ADAMTSL3: variants seen among roughly 807,000 people sequenced by gnomAD.
The protein encoded by ADAMTSL3 is ADAMTS like 3, also known as ADAMTS-like protein 3.
A neutral mutation model predicts 201.7 loss-of-function variants in ADAMTSL3; 128 were observed. The ratio of observed to expected loss-of-function variants is 0.63; its 90% CI spans 0.55 to 0.73. The LOEUF (loss-of-function observed/expected upper bound fraction) is 0.73. ADAMTSL3 is among the 30% of genes least tolerant of loss of function. ADAMTSL3 has a pLI of 0.00. For missense variants in ADAMTSL3, 1,990 were observed against 2,119.6 expected (o/e 0.94, Z 1.20); for synonymous variants, 738 against 748.4 (o/e 0.99, Z 0.23).
At chr15:84,006,097 A>C (rs1285564175) in intron 23 of ADAMTSL3, among the ~76,000 whole-genome samples, 1 of 152,232 alleles carries the variant, frequency 6.6e-6, no homozygotes, top group East Asian at 1.9e-4. Context: ...TTGGCCCTGC[A>C]GTTAAGAAGA....
intron 2 of ADAMTSL3, among the ~76,000 whole-genome samples, chr15:83,700,199 G>A (rs2061752034): frequency 6.6e-6 from 1 of 152,204 alleles, no homozygotes; most frequent in Non-Finnish European, 1.5e-5. Flanking sequence ...ATCTTTGACT[G>A]CTTCCACTCT....
chr15:83,753,940 T>C (rs968223397), intron 3 of ADAMTSL3, among the ~76,000 whole-genome samples: 1 of 152,312 alleles, frequency 6.6e-6, no homozygotes, highest in African/African-American at 2.4e-5. Context: ...TTTAATAACA[T>C]GTGGTTGTCA....
rs80145798 is a variant in ADAMTSL3, at chr15:83,682,428, C to A, written c.70-21961C>A. ...ACTACCTTAGATGCATTTACCTTTGCTCTTTCTCTGTCGTATGTCACTCTT... is the reference window on the plus strand; with the variant it reads ...ACTACCTTAGATGCATTTACCTTTGATCTTTCTCTGTCGTATGTCACTCTT... On this transcript the variant is annotated intron_variant, in intron 2 of 29. Coordinates refer to ENST00000286744, the MANE Select transcript of ADAMTSL3 (RefSeq NM_207517.3). Among the ~76,000 whole-genome samples, 778 of 152,310 alleles carry A rather than the reference C, an allele frequency of 5.1e-3. 5 individuals are homozygous for A. Among genetic ancestry groups the A allele is most frequent in the African/African-American group, 0.017 (723 of 41,572 alleles).
chr15:83,782,941 A>G (rs1238403501), intron 4 of ADAMTSL3, among the ~76,000 whole-genome samples: 1 of 147,756 alleles, frequency 6.8e-6, no homozygotes, highest in African/African-American at 2.5e-5. Flanking sequence ...ATATGTATAT[A>G]TACACACATA....
intron 2 of ADAMTSL3, among the ~76,000 whole-genome samples, chr15:83,674,052 G>GT (rs35560182): frequency 0.13 from 17,464 of 136,564 alleles, 3,415 homozygotes; most frequent in African/African-American, 0.42. Context: ...TTATTTTTAT[G>GT]TTTTTTTTTT....
chr15:83,897,094 T>G (rs1035827397), intron 13 of ADAMTSL3, among the ~76,000 whole-genome samples: 5 of 152,020 alleles, frequency 3.3e-5, no homozygotes, highest in Non-Finnish European at 5.9e-5. Context: ...CAAGATGAGA[T>G]TTGGGTGGGG....
intron 3 of ADAMTSL3, among the ~76,000 whole-genome samples, chr15:83,748,406 G>C (rs922993492): frequency 5.9e-5 from 9 of 152,088 alleles, no homozygotes; most frequent in African/African-American, 2.2e-4. Context: ...CCTATACTCT[G>C]GGAGGCCAAG....
At chr15:83,704,546 T>C (rs753291750) in intron 3 of ADAMTSL3, 38 bp downstream of exon 3, 2 of 1,585,988 alleles carry the variant, frequency 1.3e-6, no homozygotes, top group South Asian at 1.1e-5. Context: ...TTGGCTTTGC[T>C]GTTTGCCAGT....
chr15:83,935,473 T>A (rs1227311353), intron 17 of ADAMTSL3, among the ~76,000 whole-genome samples: 1 of 151,832 alleles, frequency 6.6e-6, no homozygotes. Flanking sequence ...ATCAAAGAGA[T>A]AATAAGAGGG....
intron 3 of ADAMTSL3, among the ~76,000 whole-genome samples, chr15:83,751,764 A>T (rs1244271990): frequency 6.6e-6 from 1 of 152,192 alleles, no homozygotes; most frequent in Non-Finnish European, 1.5e-5. Flanking sequence ...TTGATTCACT[A>T]CTTGCTCCTC....
At chr15:83,663,510 C>G (rs2061204365) in intron 2 of ADAMTSL3, among the ~76,000 whole-genome samples, 1 of 152,212 alleles carries the variant, frequency 6.6e-6, no homozygotes, top group Non-Finnish European at 1.5e-5. Flanking sequence ...ATGCTCACAT[C>G]TTTGCTTACT....
chr15:83,752,062 T>C (rs1264887862), intron 3 of ADAMTSL3, among the ~76,000 whole-genome samples: 1 of 152,186 alleles, frequency 6.6e-6, no homozygotes, highest in Non-Finnish European at 1.5e-5. Context: ...CTTTGGCTAC[T>C]GATGCAATTG....
chr15:84,011,106 T>C (rs2067999502), intron 23 of ADAMTSL3, among the ~76,000 whole-genome samples: 1 of 152,234 alleles, frequency 6.6e-6, no homozygotes, highest in Admixed American at 6.5e-5. Context: ...AGGCACTCCA[T>C]AAACATTTTT....
chr15:83,762,322 A>G (rs900297346), intron 3 of ADAMTSL3, among the ~76,000 whole-genome samples: 1 of 152,300 alleles, frequency 6.6e-6, no homozygotes, highest in African/African-American at 2.4e-5. Context: ...AATGACATAT[A>G]TTCTGCTTCT....
At chr15:83,974,263 G>C (rs2067244047) in intron 20 of ADAMTSL3, among the ~76,000 whole-genome samples, 1 of 152,152 alleles carries the variant, frequency 6.6e-6, no homozygotes, top group South Asian at 2.1e-4. Flanking sequence ...AGTTCTTCCA[G>C]TACCTCATCA....
chr15:84,019,117 T>TCACAC (rs2068146608), intron 25 of ADAMTSL3, among the ~76,000 whole-genome samples: 1 of 55,966 alleles, frequency 1.8e-5, no homozygotes, highest in Non-Finnish European at 3.6e-5. Flanking sequence ...ACACACACAG[T>TCACAC]GGGCAACAGA....
At position 84,016,396 on chromosome 15, in the gene ADAMTSL3, A is replaced by G. The variant is rs147786867; in HGVS notation, c.4170A>G (p.Pro1390=). The part of the protein sequence containing the change: ...SVLHLLERRW[P]ESRIVFLQGH... ...TTTTTTCCTCAGAACGAAGATGGCCAGAGAGTAGAATCGTATTTCTGCAAG... is the reference window on the plus strand; with the variant it reads ...TTTTTTCCTCAGAACGAAGATGGCCGGAGAGTAGAATCGTATTTCTGCAAG... The change falls in exon 25 of 30, where the codon CCA becomes CCG. Residue 1390 remains proline, a synonymous_variant. Transcript: ENST00000286744. The G allele has an allele frequency of 1.2e-4, 186 of 1,613,874 alleles. 1 individual carries two copies. The African/African-American group carries it at 2.3e-3, about 20-fold the overall frequency.
intron 2 of ADAMTSL3, among the ~76,000 whole-genome samples, chr15:83,687,286 C>A (rs1045478619): frequency 6.6e-6 from 1 of 152,126 alleles, no homozygotes; most frequent in African/African-American, 2.4e-5. Context: ...CTTAATATAT[C>A]CAAATATTAT....
chr15:83,938,838 C>T (rs568771522), intron 17 of ADAMTSL3, among the ~76,000 whole-genome samples: 280 of 152,248 alleles, frequency 1.8e-3, no homozygotes, highest in Non-Finnish European at 2.8e-3. Context: ...ATGTCTTACC[C>T]TTATGTCTTT....
Sources: allele counts gnomAD v4.1 joint callset (sites outside exome capture counted in the v4.1 genomes callset), GRCh38; gene constraint gnomAD v4.1.1; transcripts MANE v1.5; gene names NCBI Gene and HGNC (gene_info 2026-07-23, HGNC 2026-07-21).